The following GCA variants were observed in gnomAD, a reference collection of about 807,000 sequenced individuals.
GCA encodes grancalcin, EF-hand calcium-binding protein.
GCA carries 30 observed loss-of-function variants against 32.6 expected under a neutral mutation model. The ratio of observed to expected loss-of-function variants is 0.92; its 90% CI spans 0.69 to 1.25. The LOEUF is 1.25. Ranked by LOEUF, GCA falls within the 50% of genes most tolerant of loss-of-function variation. GCA has a pLI of 0.00. For missense variants in GCA, 291 were observed against 266.8 expected (o/e 1.09, Z -0.63); for synonymous variants, 102 against 84.6 (o/e 1.21, Z -1.13).
At chr2:162,371,615 A>C (rs1685950056), downstream of GCA, 1 of 808,146 alleles carries the variant, frequency 1.2e-6, no homozygotes, top group African/African-American at 1.7e-5. Context: ...AGATGCTGGC[A>C]GTTTTAACAT....
At chr2:162,374,478 AT>A (rs1378952944), downstream of GCA, among the ~76,000 whole-genome samples, 1 of 152,220 alleles carries the variant, frequency 6.6e-6, no homozygotes, top group Non-Finnish European at 1.5e-5. Flanking sequence ...TTTTGTGGAC[AT>A]AAGAACAGAA....
intron 1 of GCA, among the ~76,000 whole-genome samples, chr2:162,332,393 A>T (rs984053747): frequency 1.9e-4 from 28 of 147,614 alleles, no homozygotes; most frequent in Admixed American, 1.6e-3. Context: ...AATATATATA[A>T]AAATATATAA....
downstream of GCA, among the ~76,000 whole-genome samples, chr2:162,373,934 T>C (rs894985888): frequency 1.3e-5 from 2 of 152,194 alleles, no homozygotes; most frequent in East Asian, 3.9e-4. Context: ...CTAACCTTCA[T>C]TGATTTCAAA....
chr2:162,348,963 G>T (rs1003116581), intron 2 of GCA, among the ~76,000 whole-genome samples: 4 of 151,838 alleles, frequency 2.6e-5, no homozygotes, highest in African/African-American at 9.7e-5. Context: ...AATATTATAT[G>T]AGTCAAATTC....
At chr2:162,367,616 A>G (rs566069752), downstream of GCA, among the ~76,000 whole-genome samples, 5 of 152,176 alleles carry the variant, frequency 3.3e-5, no homozygotes, top group South Asian at 1.0e-3. Context: ...AGTGCAAAAT[A>G]CAATTAAGAG....
intron 5 of GCA, among the ~76,000 whole-genome samples, chr2:162,357,847 G>A (rs1685362458): frequency 3.3e-5 from 5 of 151,422 alleles, no homozygotes; most frequent in Admixed American, 3.3e-4. Flanking sequence ...TGTAAAAAGG[G>A]TATTCTGGAT....
At chr2:162,353,698 G>T (rs1685113423) in intron 3 of GCA, among the ~76,000 whole-genome samples, 3 of 152,142 alleles carry the variant, frequency 2.0e-5, no homozygotes, top group South Asian at 4.1e-4. Context: ...CTGGAAACTT[G>T]TGAGATCTTT....
intron 1 of GCA, among the ~76,000 whole-genome samples, chr2:162,321,485 ATTG>A (rs1477513593): frequency 6.6e-6 from 1 of 152,116 alleles, no homozygotes; most frequent in Non-Finnish European, 1.5e-5. Context: ...AAACCCTGGA[ATTG>A]TTGTTCTGTT....
chr2:162,373,695 C>A, downstream of GCA: 1 of 1,363,860 alleles, frequency 7.3e-7, no homozygotes, highest in Non-Finnish European at 9.6e-7. Flanking sequence ...AAAAGACAGT[C>A]TAAAATAGTC....
intron 1 of GCA, among the ~76,000 whole-genome samples, chr2:162,320,130 A>G (rs891926633): frequency 2.0e-5 from 3 of 152,234 alleles, no homozygotes; most frequent in Non-Finnish European, 2.9e-5. Flanking sequence ...TGAGTTGACC[A>G]TAGCAGCTGG....
At chr2:162,339,629 C>G (rs185879925), upstream of GCA, among the ~76,000 whole-genome samples, 516 of 152,196 alleles carry the variant, frequency 3.4e-3, 6 homozygotes, top group Non-Finnish European at 2.0e-3. Flanking sequence ...AGAGTGGGGT[C>G]CTCATGATGG....
chr2:162,337,849 C>T (rs1056755787), intron 1 of GCA, among the ~76,000 whole-genome samples: 1 of 152,188 alleles, frequency 6.6e-6, no homozygotes, highest in Non-Finnish European at 1.5e-5. Flanking sequence ...TATTCTCTCA[C>T]ACTCATTCAA....
chr2:162,372,773 G>A (rs1043411694), downstream of GCA, among the ~76,000 whole-genome samples: 4 of 152,076 alleles, frequency 2.6e-5, no homozygotes, highest in Non-Finnish European at 5.9e-5. Flanking sequence ...TCACCATAAT[G>A]TTTAACTAAT....
downstream of GCA, among the ~76,000 whole-genome samples, chr2:162,375,014 T>G (rs940602519): frequency 6.6e-6 from 1 of 152,208 alleles, no homozygotes; most frequent in East Asian, 1.9e-4. Context: ...TTCACTGTTA[T>G]GTGTTATACA....
downstream of GCA, among the ~76,000 whole-genome samples, chr2:162,374,261 CA>C (rs1686080729): frequency 6.6e-6 from 1 of 152,118 alleles, no homozygotes; most frequent in Admixed American, 6.6e-5. Flanking sequence ...ATGTAAGAAG[CA>C]GACCAAACTT....
downstream of GCA, among the ~76,000 whole-genome samples, chr2:162,368,078 G>A (rs1458995801): frequency 6.6e-6 from 1 of 151,786 alleles, no homozygotes; most frequent in East Asian, 1.9e-4. Context: ...GATGATTGCT[G>A]GGTCCCACCC....
intron 1 of GCA, among the ~76,000 whole-genome samples, chr2:162,320,680 G>T (rs372412987): frequency 2.6e-5 from 4 of 152,068 alleles, no homozygotes; most frequent in Admixed American, 6.5e-5. Flanking sequence ...ATCATTCATT[G>T]TATCATCTAG....
At chr2:162,370,840 T>C (rs1309515716) in intron 4 of GCA, among the ~76,000 whole-genome samples, 19 of 152,094 alleles carry the variant, frequency 1.2e-4, no homozygotes, top group Non-Finnish European at 1.5e-5. Context: ...CAAGGCCTGC[T>C]GCACTCTTGA....
At chr2:162,355,789 T>G (rs1421968462) in intron 3 of GCA, among the ~76,000 whole-genome samples, 1 of 151,730 alleles carries the variant, frequency 6.6e-6, no homozygotes, top group South Asian at 2.1e-4. Flanking sequence ...ATTCAGATGC[T>G]CATTTTTTCT....
Sources: gnomAD v4.1 joint callset for allele counts (sites outside exome capture counted in the v4.1 genomes callset) on GRCh38, gnomAD v4.1.1 for gene constraint, MANE v1.5 for transcripts, NCBI Gene and HGNC (gene_info 2026-07-23, HGNC 2026-07-21) for gene names.